COL8A1: variants seen among roughly 807,000 people sequenced by gnomAD.
COL8A1 encodes the protein collagen type VIII alpha 1 chain, also known as collagen alpha-1(VIII) chain.
Under a neutral mutation model 42.7 loss-of-function variants are expected in COL8A1, and 21 were observed. The observed-to-expected ratio is 0.49, with a 90% CI of 0.35 to 0.71. The LOEUF (loss-of-function observed/expected upper bound fraction) is 0.71, where lower values mean the gene tolerates loss of function less well. Ranked by LOEUF, COL8A1 falls within the 30% of genes least tolerant of loss-of-function variation. The probability of loss-of-function intolerance (pLI) is 0.01; values close to 1 mark genes in which losing one functional copy is unlikely to be tolerated. For missense variants in COL8A1, 788 were observed against 962.4 expected, an observed-to-expected ratio of 0.82 and a Z score of 2.40; for synonymous variants, 367 against 369.1, an observed-to-expected ratio of 0.99 and a Z score of 0.06.
chr3:99,716,608 G>A (rs2107363773), intron 1 of COL8A1, among the ~76,000 whole-genome samples: 1 of 152,098 alleles, frequency 6.6e-6, no homozygotes, highest in East Asian at 1.9e-4. Flanking sequence ...AGAAAACGTA[G>A]TAGGTGTCCT....
intron 1 of COL8A1, among the ~76,000 whole-genome samples, chr3:99,722,846 A>G (rs1282006010): frequency 6.6e-6 from 1 of 152,140 alleles, no homozygotes; most frequent in African/African-American, 2.4e-5. Flanking sequence ...ATAGACTATT[A>G]TGATTTAATA....
intron 1 of COL8A1, among the ~76,000 whole-genome samples, chr3:99,693,673 C>T (rs544854343): frequency 2.0e-4 from 31 of 152,106 alleles, no homozygotes; most frequent in African/African-American, 6.3e-4. Flanking sequence ...AGACTCAAAA[C>T]GTTAAAAAAT....
At chr3:99,764,466 G>C (rs1009881774) in intron 2 of COL8A1, among the ~76,000 whole-genome samples, 1 of 152,102 alleles carries the variant, frequency 6.6e-6, no homozygotes, top group Non-Finnish European at 1.5e-5. Context: ...TGTACACCAC[G>C]ATCTATTCAA....
At chr3:99,726,251 T>G (rs1333662638) in intron 1 of COL8A1, among the ~76,000 whole-genome samples, 1 of 152,188 alleles carries the variant, frequency 6.6e-6, no homozygotes, top group Admixed American at 6.6e-5. Flanking sequence ...CACCCACTTT[T>G]TGATGGGGTT....
intron 1 of COL8A1, among the ~76,000 whole-genome samples, chr3:99,730,905 C>T (rs72932374): frequency 0.044 from 6,742 of 152,108 alleles, 471 homozygotes; most frequent in African/African-American, 0.15. Context: ...TTTTAAAATG[C>T]CCATATAGTT....
chr3:99,784,231 G>T (rs1941849692), intron 2 of COL8A1, among the ~76,000 whole-genome samples: 1 of 152,110 alleles, frequency 6.6e-6, no homozygotes, highest in East Asian at 1.9e-4. Context: ...TTCAATTTTT[G>T]ACTAGGAATG....
chr3:99,684,687 G>A (rs911994729), intron 1 of COL8A1, among the ~76,000 whole-genome samples: 1 of 152,122 alleles, frequency 6.6e-6, no homozygotes, highest in South Asian at 2.1e-4. Context: ...AGAGTTGTAT[G>A]TTTACTTTAT....
chr3:99,759,593 A>G (rs957721891), intron 2 of COL8A1, among the ~76,000 whole-genome samples: 3 of 152,220 alleles, frequency 2.0e-5, no homozygotes, highest in Admixed American at 2.0e-4. Flanking sequence ...TAAGTAAAAA[A>G]CACATGCCAA....
At chr3:99,658,218 C>T (rs533964561) in intron 1 of COL8A1, among the ~76,000 whole-genome samples, 5 of 152,126 alleles carry the variant, frequency 3.3e-5, no homozygotes, top group Non-Finnish European at 7.4e-5. Context: ...TGGGCCTGCC[C>T]GTCTTCTCAG....
intron 2 of COL8A1, among the ~76,000 whole-genome samples, chr3:99,766,075 C>T (rs767614004): frequency 1.1e-4 from 17 of 152,098 alleles, no homozygotes; most frequent in Non-Finnish European, 1.6e-4. Flanking sequence ...ATATTAATAT[C>T]CTATTGGATC....
At chr3:99,648,843 C>T (rs1937741451) in intron 1 of COL8A1, among the ~76,000 whole-genome samples, 1 of 152,138 alleles carries the variant, frequency 6.6e-6, no homozygotes, top group Admixed American at 6.5e-5. Flanking sequence ...GTAAACATGA[C>T]TTAAATGTTT....
rs375593744 is a variant in COL8A1, at chr3:99,768,910, ATG to A, written c.-3-21763_-3-21762del. On this transcript the variant is annotated intron_variant, in intron 2 of 3. Coordinates refer to ENST00000652472, the MANE Select transcript of COL8A1 (RefSeq NM_020351.4). ...CACACATGTGAATTCTAGGTTATTC[ATG>A]TGTGTGAGTGACTTCGTAGGATAAC... Among the ~76,000 whole-genome samples the A allele has an allele frequency of 3.9e-4, 60 of 152,312 alleles. No homozygotes were observed. The East Asian group carries it at 0.01, about 26-fold the overall frequency.
chr3:99,645,813 C>A (rs965558373), intron 1 of COL8A1, among the ~76,000 whole-genome samples: 1 of 151,724 alleles, frequency 6.6e-6, no homozygotes, highest in Non-Finnish European at 1.5e-5. Flanking sequence ...AAAACTAAAA[C>A]AATCTTAGAA....
intron 1 of COL8A1, chr3:99,680,162 C>A (rs1187608963): frequency 6.7e-6 from 1 of 150,276 alleles, no homozygotes; most frequent in Admixed American, 6.6e-5. Flanking sequence ...AACCCCATGA[C>A]AGGCCCCGGT....
At chr3:99,644,182 G>A (rs746500286) in intron 1 of COL8A1, among the ~76,000 whole-genome samples, 1 of 152,180 alleles carries the variant, frequency 6.6e-6, no homozygotes, top group Non-Finnish European at 1.5e-5. Flanking sequence ...ATGACTTTCT[G>A]TTTGAGTCAG....
intron 1 of COL8A1, among the ~76,000 whole-genome samples, chr3:99,657,599 A>G (rs757844513): frequency 2.0e-5 from 3 of 152,146 alleles, no homozygotes; most frequent in Non-Finnish European, 4.4e-5. Context: ...CCCCGCGAGG[A>G]TGAAACACCC....
chr3:99,774,365 C>T (rs995844989), intron 2 of COL8A1, among the ~76,000 whole-genome samples: 3 of 151,744 alleles, frequency 2.0e-5, no homozygotes, highest in African/African-American at 7.3e-5. Context: ...TCAGTGTGCA[C>T]CTGTATAAGG....
intron 2 of COL8A1, among the ~76,000 whole-genome samples, chr3:99,789,601 T>G (rs1559636855): frequency 6.6e-6 from 1 of 152,184 alleles, no homozygotes; most frequent in Non-Finnish European, 1.5e-5. Flanking sequence ...GCTGTCTGGT[T>G]TTAAGCCTAG....
Position 99,707,659 on chromosome 3 carries a change from C to T in COL8A1, c.-128-37238C>T, listed in dbSNP as rs149225327. ...CTACATGATTGGGCCCACGCCCTGC[C>T]GAACTTGGGGCACTTCCAGAGACAA... On this transcript the variant is annotated intron_variant, in intron 1 of 3. Coordinates refer to ENST00000652472, the MANE Select transcript of COL8A1 (RefSeq NM_020351.4). Among the ~76,000 whole-genome samples the T allele has an allele frequency of 2.4e-3, 358 of 152,166 alleles. 3 individuals carry two copies. Among genetic ancestry groups the T allele is most frequent in the African/African-American group, 8.2e-3 (339 of 41,524 alleles).
Sources: allele counts gnomAD v4.1 joint callset (sites outside exome capture counted in the v4.1 genomes callset), GRCh38; gene constraint gnomAD v4.1.1; transcripts MANE v1.5; gene names NCBI Gene and HGNC (gene_info 2026-07-23, HGNC 2026-07-21).